NMNAT3: variants seen among roughly 807,000 people sequenced by gnomAD.
NMNAT3 encodes the protein nicotinamide/nicotinic acid mononucleotide adenylyltransferase 3.
A neutral mutation model predicts 24.8 loss-of-function variants in NMNAT3; 21 were observed. The observed-to-expected ratio is 0.85, with a 90% confidence interval of 0.60 to 1.22. The LOEUF (loss-of-function observed/expected upper bound fraction) is 1.22, where lower values mean the gene tolerates loss of function less well. Ranked by LOEUF, NMNAT3 falls within the 50% of genes most tolerant of loss-of-function variation. The pLI is 0.00. For synonymous variants in NMNAT3, 136 were observed against 155.2 expected, an observed-to-expected ratio of 0.88 and a Z score of 0.92; for missense variants, 387 against 436.6, an observed-to-expected ratio of 0.89 and a Z score of 1.01.
intron 1 of NMNAT3, among the ~76,000 whole-genome samples, chr3:139,674,579 G>A (rs1283132471): frequency 6.6e-6 from 1 of 152,204 alleles, no homozygotes; most frequent in African/African-American, 2.4e-5. Flanking sequence ...GAACTTGAAA[G>A]GCACACAAAT....
intron 3 of NMNAT3, among the ~76,000 whole-genome samples, chr3:139,606,142 C>G (rs138765589): frequency 6.6e-6 from 1 of 152,272 alleles, no homozygotes; most frequent in African/African-American, 2.4e-5. Flanking sequence ...AACATTAATT[C>G]AACACTGATC....
intron 4 of NMNAT3, among the ~76,000 whole-genome samples, chr3:139,579,492 T>C (rs944550857): frequency 6.6e-6 from 1 of 152,186 alleles, no homozygotes; most frequent in Non-Finnish European, 1.5e-5. Flanking sequence ...ATTTTGAGGA[T>C]GAAGGACAAA....
chr3:139,664,493 T>C (rs1273651307), intron 1 of NMNAT3, among the ~76,000 whole-genome samples: 1 of 152,170 alleles, frequency 6.6e-6, no homozygotes, highest in African/African-American at 2.4e-5. Context: ...TGTTTTGAGA[T>C]AAGGGGCTAT....
intron 2 of NMNAT3, among the ~76,000 whole-genome samples, chr3:139,632,745 G>A (rs1391662765): frequency 2.0e-5 from 3 of 152,218 alleles, no homozygotes; most frequent in African/African-American, 7.2e-5. Flanking sequence ...AACCCCCAGG[G>A]TAAGGGATCA....
intron 3 of NMNAT3, among the ~76,000 whole-genome samples, chr3:139,601,130 C>T (rs950715915): frequency 2.0e-5 from 3 of 152,196 alleles, no homozygotes; most frequent in African/African-American, 7.2e-5. Context: ...AAGTCTGCTC[C>T]TGCTGAAGGC....
chr3:139,608,653 A>G (rs1468883982), intron 3 of NMNAT3, among the ~76,000 whole-genome samples: 1 of 152,206 alleles, frequency 6.6e-6, no homozygotes, highest in Non-Finnish European at 1.5e-5. Flanking sequence ...CAATGGTAAC[A>G]TCTTGCAATA....
intron 1 of NMNAT3, among the ~76,000 whole-genome samples, chr3:139,674,530 A>C (rs551349127): frequency 1.3e-5 from 2 of 152,242 alleles, no homozygotes; most frequent in Non-Finnish European, 2.9e-5. Context: ...GTGGTTTAAC[A>C]TAGATGTATG....
intron 3 of NMNAT3, among the ~76,000 whole-genome samples, chr3:139,594,345 A>T (rs2054342273): frequency 6.6e-6 from 1 of 152,242 alleles, no homozygotes; most frequent in Non-Finnish European, 1.5e-5. Context: ...AAAAGAGTCC[A>T]GGACCTGATG....
chr3:139,600,108 T>A (rs1673646992), intron 3 of NMNAT3, among the ~76,000 whole-genome samples: 1 of 152,228 alleles, frequency 6.6e-6, no homozygotes, highest in Non-Finnish European at 1.5e-5. Context: ...ATCAGCAAAC[T>A]CTTCCTGCAC....
intron 1 of NMNAT3, among the ~76,000 whole-genome samples, chr3:139,639,191 ATG>A (rs1356148069): frequency 6.6e-6 from 1 of 152,178 alleles, no homozygotes; most frequent in Non-Finnish European, 1.5e-5. Context: ...AGGGCAAAGA[ATG>A]TGTTTTATTT....
intron 3 of NMNAT3, chr3:139,583,256 A>G (rs570531683): frequency 6.9e-5 from 83 of 1,198,242 alleles, no homozygotes; most frequent in Admixed American, 2.4e-4. Context: ...AGGTGCTAAG[A>G]GTTTTGCATG....
chr3:139,585,104 T>G (rs1463321530), intron 3 of NMNAT3, among the ~76,000 whole-genome samples: 3 of 152,202 alleles, frequency 2.0e-5, no homozygotes, highest in African/African-American at 4.8e-5. Context: ...GATGCTGTTG[T>G]TGAGTGTCTT....
At chr3:139,623,976 A>AT (rs1184025893) in intron 3 of NMNAT3, among the ~76,000 whole-genome samples, 1 of 152,222 alleles carries the variant, frequency 6.6e-6, no homozygotes. Flanking sequence ...CCACGATGCT[A>AT]TAACGTCACT....
At chr3:139,661,673 AC>A (rs2057420755) in intron 1 of NMNAT3, among the ~76,000 whole-genome samples, 1 of 152,176 alleles carries the variant, frequency 6.6e-6, no homozygotes, top group South Asian at 2.1e-4. Context: ...GTCTCTAAAA[AC>A]AAAAAGAAAA....
At chr3:139,598,799 T>A (rs2054588323) in intron 3 of NMNAT3, among the ~76,000 whole-genome samples, 1 of 152,224 alleles carries the variant, frequency 6.6e-6, no homozygotes, top group African/African-American at 2.4e-5. Context: ...ATGGTTATAC[T>A]ACCTGAAAAT....
At chr3:139,669,571 G>A (rs1380296738) in intron 1 of NMNAT3, among the ~76,000 whole-genome samples, 5 of 151,336 alleles carry the variant, frequency 3.3e-5, no homozygotes, top group African/African-American at 4.9e-5. Context: ...AGTATGCCTC[G>A]TTTGTGAATA....
chr3:139,583,254 A>T, intron 3 of NMNAT3: 1 of 1,198,982 alleles, frequency 8.3e-7, no homozygotes, highest in Non-Finnish European at 1.2e-6. Flanking sequence ...TCAGGTGCTA[A>T]GAGTTTTGCA....
chr3:139,643,848 T>C (rs2056787161), intron 1 of NMNAT3, among the ~76,000 whole-genome samples: 1 of 152,240 alleles, frequency 6.6e-6, no homozygotes, highest in Non-Finnish European at 1.5e-5. Context: ...ATGGTGAAGA[T>C]GGTAAATTTT....
At chr3:139,598,754 G>A (rs1399997099) in intron 3 of NMNAT3, among the ~76,000 whole-genome samples, 1 of 152,158 alleles carries the variant, frequency 6.6e-6, no homozygotes, top group South Asian at 2.1e-4. Context: ...ACTGGAACAG[G>A]AATGGAGATT....
Sources: allele counts gnomAD v4.1 joint callset (sites outside exome capture counted in the v4.1 genomes callset), GRCh38; gene constraint gnomAD v4.1.1; transcripts MANE v1.5; gene names NCBI Gene and HGNC (gene_info 2026-07-23, HGNC 2026-07-21).